The following LIPI variants were observed in gnomAD, a reference collection of about 807,000 sequenced individuals.
The protein encoded by LIPI is lipase I, also known as lipase member I.
LIPI carries 59 observed loss-of-function variants against 50.6 expected under a neutral mutation model. That is an observed-to-expected ratio of 1.16 (90% CI 0.94 to 1.45). The LOEUF (loss-of-function observed/expected upper bound fraction) is 1.45, where lower values mean the gene tolerates loss of function less well. Ranked by LOEUF, LIPI falls within the 40% of genes most tolerant of loss-of-function variation. The pLI is 0.00. For synonymous variants in LIPI, 203 were observed against 178.2 expected (o/e 1.14, Z -1.11); for missense variants, 586 against 536.3 (o/e 1.09, Z -0.92).
intron 8 of LIPI, among the ~76,000 whole-genome samples, chr21:14,151,547 C>A (rs1394789784): frequency 1.3e-5 from 2 of 152,250 alleles, no homozygotes; most frequent in African/African-American, 2.4e-5. Context: ...TTTTATATTT[C>A]TTTTAATCAC....
chr21:14,139,603 A>G (rs2017630155), intron 9 of LIPI, among the ~76,000 whole-genome samples: 1 of 152,172 alleles, frequency 6.6e-6, no homozygotes, highest in Non-Finnish European at 1.5e-5. Context: ...AGAGATACAA[A>G]CAATAAACAG....
chr21:14,143,766 A>G (rs918924619), intron 9 of LIPI: 1 of 152,210 alleles, frequency 6.6e-6, no homozygotes, highest in African/African-American at 2.4e-5. Context: ...GGGTGTTGTC[A>G]ATGGAAATAT....
At chr21:14,183,789 C>T (rs1442034082) in intron 3 of LIPI, among the ~76,000 whole-genome samples, 1 of 152,120 alleles carries the variant, frequency 6.6e-6, no homozygotes, top group Non-Finnish European at 1.5e-5. Context: ...CCATCTCACA[C>T]CAGTTAGAAT....
intron 4 of LIPI, among the ~76,000 whole-genome samples, chr21:14,180,939 G>C (rs905759614): frequency 6.6e-6 from 1 of 152,112 alleles, no homozygotes; most frequent in Non-Finnish European, 1.5e-5. Flanking sequence ...TCCTGATTCG[G>C]TTTATAAGAA....
At chr21:14,191,718 G>A (rs772360254) in intron 1 of LIPI, among the ~76,000 whole-genome samples, 29 of 152,166 alleles carry the variant, frequency 1.9e-4, no homozygotes, top group Non-Finnish European at 7.3e-5. Context: ...GGGGTGACTT[G>A]TTCCACTCCT....
intron 7 of LIPI, among the ~76,000 whole-genome samples, chr21:14,155,634 T>A (rs1416427917): frequency 2.6e-5 from 4 of 151,988 alleles, no homozygotes; most frequent in African/African-American, 9.7e-5. Context: ...GGATTTCACA[T>A]CTGAAAGTCA....
At chr21:14,193,599 T>C (rs1264499024) in intron 1 of LIPI, among the ~76,000 whole-genome samples, 1 of 152,086 alleles carries the variant, frequency 6.6e-6, no homozygotes, top group Non-Finnish European at 1.5e-5. Context: ...AATGCTGCAC[T>C]AACATCAAGC....
intron 6 of LIPI, among the ~76,000 whole-genome samples, chr21:14,163,811 T>C (rs1389230812): frequency 6.6e-6 from 1 of 151,968 alleles, no homozygotes; most frequent in Non-Finnish European, 1.5e-5. Flanking sequence ...AGTTTTACTG[T>C]TATAAATTCA....
At chr21:14,187,468 G>T (rs1024590516) in intron 2 of LIPI, among the ~76,000 whole-genome samples, 1 of 152,080 alleles carries the variant, frequency 6.6e-6, no homozygotes, top group Non-Finnish European at 1.5e-5. Context: ...CAGTGCTGCC[G>T]GTCATTTAAA....
Position 14,165,364 on chromosome 21 carries a change from G to A in LIPI, c.760C>T (p.Gln254Ter). The A allele has an allele frequency of 6.2e-7, 1 of 1,611,934 alleles. No homozygotes were observed. The highest frequency in any genetic ancestry group is 8.5e-7 in the Non-Finnish European group (1 of 1,178,600). The change falls in exon 6 of 10, where the codon CAG becomes TAG. Residue 254 changes from glutamine (Q) to a stop codon, truncating the protein, a stop_gained. Coordinates refer to ENST00000681601, the MANE Select transcript of LIPI (RefSeq NM_001302998.2). LOFTEE classifies it high-confidence loss of function. ...GCCATGAACAAGTGAACTGCTCTCTGGTGGTTGCATTTAATGAATTGAATT... is the reference window on the plus strand; with the variant it reads ...GCCATGAACAAGTGAACTGCTCTCTAGTGGTTGCATTTAATGAATTGAATT... The part of the protein sequence containing the change: ...SGIQFIKCNH[Q>*]RAVHLFMASL...
At chr21:14,192,192 C>T (rs190528646) in intron 1 of LIPI, among the ~76,000 whole-genome samples, 28 of 152,296 alleles carry the variant, frequency 1.8e-4, no homozygotes, top group East Asian at 1.5e-3. Context: ...ACAGTGGGCA[C>T]GGTGGCTAAC....
chr21:14,170,199 C>T (rs958604881), intron 4 of LIPI, among the ~76,000 whole-genome samples: 2 of 152,106 alleles, frequency 1.3e-5, no homozygotes, highest in Non-Finnish European at 2.9e-5. Context: ...CAGTAACAGG[C>T]TCTGAAGTTG....
At chr21:14,172,146 G>A (rs1465533730) in intron 4 of LIPI, among the ~76,000 whole-genome samples, 1 of 151,974 alleles carries the variant, frequency 6.6e-6, no homozygotes. Context: ...TCAGAGAAAT[G>A]CAAATCAAAA....
chr21:14,154,169 A>C (rs1322672011), intron 7 of LIPI, among the ~76,000 whole-genome samples: 2 of 151,840 alleles, frequency 1.3e-5, no homozygotes, highest in African/African-American at 4.8e-5. Flanking sequence ...TAACAATATA[A>C]AAAAATAAAT....
intron 1 of LIPI, among the ~76,000 whole-genome samples, chr21:14,202,589 T>C (rs2020095004): frequency 6.6e-6 from 1 of 152,156 alleles, no homozygotes; most frequent in African/African-American, 2.4e-5. Context: ...GGGAAAGGAT[T>C]CCCTATTTAA....
intron 7 of LIPI, among the ~76,000 whole-genome samples, chr21:14,161,496 A>T (rs1459257271): frequency 2.2e-5 from 3 of 134,994 alleles, no homozygotes; most frequent in East Asian, 4.1e-4. Flanking sequence ...TAATATATAG[A>T]TATCTATAAT....
At chr21:14,191,950 A>G (rs902883990) in intron 1 of LIPI, among the ~76,000 whole-genome samples, 2 of 152,234 alleles carry the variant, frequency 1.3e-5, no homozygotes, top group Admixed American at 1.3e-4. Flanking sequence ...GCTGACTGAC[A>G]GTCATTCAAT....
chr21:14,141,355 A>G (rs189522457), intron 9 of LIPI, among the ~76,000 whole-genome samples: 2 of 148,164 alleles, frequency 1.3e-5, no homozygotes, highest in Admixed American at 6.9e-5. Flanking sequence ...ATTATTTACT[A>G]TTTTAATGTT....
chr21:14,190,336 C>A (rs2019628515), intron 1 of LIPI, among the ~76,000 whole-genome samples: 1 of 151,814 alleles, frequency 6.6e-6, no homozygotes, highest in African/African-American at 2.4e-5. Context: ...CAAATAATCC[C>A]CATAGTGGTT....
Sources: gnomAD v4.1 joint callset for allele counts (sites outside exome capture counted in the v4.1 genomes callset) on GRCh38, gnomAD v4.1.1 for gene constraint, MANE v1.5 for transcripts, NCBI Gene and HGNC (gene_info 2026-07-23, HGNC 2026-07-21) for gene names.